WWOX: variants seen among roughly 807,000 people sequenced by gnomAD.
WWOX encodes the protein WW domain containing oxidoreductase, also known as WW domain-containing oxidoreductase.
WWOX carries 69 observed loss-of-function variants against 46.2 expected under a neutral mutation model. The ratio of observed to expected loss-of-function variants is 1.49; its 90% CI spans 1.23 to 1.82. WWOX has a LOEUF of 1.82. Among genes scored for constraint, WWOX ranks in the 40% most tolerant of loss-of-function variants. The pLI is 0.00. For synonymous variants in WWOX, 359 were observed against 202.6 expected (o/e 1.77, Z -6.56); for missense variants, 919 against 542.6 (o/e 1.69, Z -6.89).
At chr16:78,870,850 C>G (rs1022121595) in intron 8 of WWOX, among the ~76,000 whole-genome samples, 1 of 152,184 alleles carries the variant, frequency 6.6e-6, no homozygotes. Context: ...AGTCTGCCCA[C>G]CTCAGCTTCC....
At chr16:78,393,942 T>G (rs1597156293) in intron 6 of WWOX, among the ~76,000 whole-genome samples, 1 of 152,312 alleles carries the variant, frequency 6.6e-6, no homozygotes, top group East Asian at 1.9e-4. Flanking sequence ...TTATTTATTT[T>G]CATTTTCTGC....
intron 5 of WWOX, among the ~76,000 whole-genome samples, chr16:78,293,511 ACTTGT>A (rs2079891860): frequency 6.6e-6 from 1 of 152,056 alleles, no homozygotes; most frequent in Admixed American, 6.5e-5. Flanking sequence ...TCTATGGATC[ACTTGT>A]CTTCTCCTCT....
At chr16:78,360,933 A>G (rs142854612) in intron 5 of WWOX, among the ~76,000 whole-genome samples, 3,284 of 151,856 alleles carry the variant, frequency 0.022, 53 homozygotes, top group Middle Eastern at 0.045. Flanking sequence ...CGATCCTCCC[A>G]CCTCAGTCTC....
intron 8 of WWOX, among the ~76,000 whole-genome samples, chr16:78,797,147 A>C (rs1188362134): frequency 6.6e-6 from 1 of 151,968 alleles, no homozygotes; most frequent in Admixed American, 6.6e-5. Context: ...TATCAATAGA[A>C]GTGGGGAAAT....
intron 8 of WWOX, chr16:78,552,301 G>C (rs1323911045): frequency 6.6e-6 from 1 of 152,142 alleles, no homozygotes; most frequent in East Asian, 1.9e-4. Context: ...CTTCCATACG[G>C]GGTGTTTTAT....
At chr16:78,556,785 G>T (rs181552855) in intron 8 of WWOX, among the ~76,000 whole-genome samples, 7 of 151,838 alleles carry the variant, frequency 4.6e-5, no homozygotes, top group African/African-American at 1.5e-4. Flanking sequence ...GCATGATCTC[G>T]GCTCACTGCA....
rs181408610 is a variant in WWOX, at chr16:78,917,899, A to T, written c.1057-293709A>T. Among the ~76,000 whole-genome samples, 736 of 152,304 alleles carry T rather than the reference A, an allele frequency of 4.8e-3. 6 individuals carry two copies. Among genetic ancestry groups the T allele is most frequent in the African/African-American group, 0.017 (691 of 41,562 alleles). On this transcript the variant is annotated intron_variant, in intron 8 of 8. Coordinates refer to ENST00000566780, the MANE Select transcript of WWOX (RefSeq NM_016373.4). ...GATCTTGTTTTTTAAAACAAAAAAAAGTTTAAGAAATTGTCATATAGGCTG... is the reference window on the plus strand; with the variant it reads ...GATCTTGTTTTTTAAAACAAAAAAATGTTTAAGAAATTGTCATATAGGCTG...
intron 8 of WWOX, among the ~76,000 whole-genome samples, chr16:78,714,200 C>G (rs1027255557): frequency 1.3e-5 from 2 of 152,170 alleles, no homozygotes; most frequent in Non-Finnish European, 1.5e-5. Context: ...TATTCTCACA[C>G]TGCTAGTGAA....
intron 8 of WWOX, among the ~76,000 whole-genome samples, chr16:79,035,951 A>G (rs192128818): frequency 1.8e-4 from 28 of 152,334 alleles, no homozygotes; most frequent in African/African-American, 2.9e-4. Context: ...TTAGAAGGCC[A>G]TGCCTACATT....
At chr16:78,333,242 G>A (rs957464570) in intron 5 of WWOX, among the ~76,000 whole-genome samples, 3 of 151,476 alleles carry the variant, frequency 2.0e-5, no homozygotes, top group East Asian at 1.9e-4. Context: ...TAGAGACGGC[G>A]TTTCACCGTG....
chr16:78,744,863 A>C (rs2049311626), intron 8 of WWOX, among the ~76,000 whole-genome samples: 1 of 152,212 alleles, frequency 6.6e-6, no homozygotes, highest in South Asian at 2.1e-4. Flanking sequence ...GTCATTGGGT[A>C]AGCAAAGAAG....
chr16:78,621,194 A>C (rs2046171729), intron 8 of WWOX, among the ~76,000 whole-genome samples: 1 of 152,162 alleles, frequency 6.6e-6, no homozygotes, highest in Non-Finnish European at 1.5e-5. Flanking sequence ...GGGATCTGCG[A>C]AACATTAAAG....
intron 6 of WWOX, among the ~76,000 whole-genome samples, chr16:78,402,581 C>G (rs1289659388): frequency 6.6e-6 from 1 of 152,122 alleles, no homozygotes; most frequent in Non-Finnish European, 1.5e-5. Context: ...TTCTGAGCCC[C>G]TCTTGAAGGA....
chr16:78,716,040 C>A (rs1282890751), intron 8 of WWOX, among the ~76,000 whole-genome samples: 2 of 151,484 alleles, frequency 1.3e-5, no homozygotes, highest in Non-Finnish European at 2.9e-5. Context: ...TAATCATTAT[C>A]ATCAAGAGGA....
chr16:79,058,771 A>G (rs1313809231), intron 8 of WWOX, among the ~76,000 whole-genome samples: 3 of 152,210 alleles, frequency 2.0e-5, no homozygotes, highest in African/African-American at 4.8e-5. Flanking sequence ...CTAAAATATT[A>G]TTTTATTCTA....
At chr16:78,435,788 A>G (rs1330632905) in intron 8 of WWOX, among the ~76,000 whole-genome samples, 2 of 152,164 alleles carry the variant, frequency 1.3e-5, no homozygotes, top group South Asian at 2.1e-4. Flanking sequence ...AACAACTTAG[A>G]CATGTCACCA....
intron 8 of WWOX, among the ~76,000 whole-genome samples, chr16:78,975,359 C>A (rs1248857251): frequency 6.6e-6 from 1 of 152,050 alleles, no homozygotes; most frequent in South Asian, 2.1e-4. Context: ...TGGTTAACAT[C>A]CTACATGAAC....
intron 8 of WWOX, among the ~76,000 whole-genome samples, chr16:79,168,548 C>G (rs572062096): frequency 6.6e-6 from 1 of 152,186 alleles, no homozygotes; most frequent in Non-Finnish European, 1.5e-5. Flanking sequence ...CTGCCCACAC[C>G]TCTGAAGCTC....
chr16:78,350,934 A>G (rs2081172268), intron 5 of WWOX, among the ~76,000 whole-genome samples: 1 of 57,418 alleles, frequency 1.7e-5, no homozygotes, highest in East Asian at 2.0e-4. Context: ...GAAGGTTCCG[A>G]TTTCTCCATA....
Sources: gnomAD v4.1 joint callset for allele counts (sites outside exome capture counted in the v4.1 genomes callset) on GRCh38, gnomAD v4.1.1 for gene constraint, MANE v1.5 for transcripts, NCBI Gene and HGNC (gene_info 2026-07-23, HGNC 2026-07-21) for gene names.